GMDS: variants seen among roughly 807,000 people sequenced by gnomAD.
GMDS encodes the protein GDP-mannose 4,6-dehydratase.
Under a neutral mutation model 49.9 loss-of-function variants are expected in GMDS, and 20 were observed. The observed-to-expected ratio is 0.40, with a 90% CI of 0.28 to 0.58. The LOEUF (loss-of-function observed/expected upper bound fraction) is 0.58. Ranked by LOEUF, GMDS falls within the 20% of genes least tolerant of loss-of-function variation. The probability of loss-of-function intolerance (pLI) is 0.42; values close to 1 mark genes in which losing one functional copy is unlikely to be tolerated. For synonymous variants in GMDS, 177 were observed against 178.6 expected (o/e 0.99, Z 0.07); for missense variants, 362 against 481.4 (o/e 0.75, Z 2.32).
intron 9 of GMDS, among the ~76,000 whole-genome samples, chr6:1,695,434 C>T (rs960741544): frequency 6.2e-4 from 94 of 152,168 alleles, no homozygotes; most frequent in African/African-American, 2.1e-3. Context: ...CCTGGCCTTG[C>T]AATGCACTAT....
At chr6:1,811,980 G>A (rs1390104496) in intron 7 of GMDS, among the ~76,000 whole-genome samples, 1 of 152,116 alleles carries the variant, frequency 6.6e-6, no homozygotes, top group Admixed American at 6.5e-5. Flanking sequence ...GTACACTGCT[G>A]GAAATATACA....
At chr6:1,977,747 A>G (rs1466196032) in intron 4 of GMDS, among the ~76,000 whole-genome samples, 1 of 152,166 alleles carries the variant, frequency 6.6e-6, no homozygotes, top group Admixed American at 6.5e-5. Flanking sequence ...AGATCTTTGC[A>G]ACCCACGGAT....
chr6:2,229,408 CA>C (rs1210456971), intron 1 of GMDS, among the ~76,000 whole-genome samples: 167 of 89,236 alleles, frequency 1.9e-3, no homozygotes, highest in Middle Eastern at 6.0e-3. Flanking sequence ...CCTGTTTCTA[CA>C]AAAAAAAAAA....
At chr6:1,788,039 G>A (rs1170350833) in intron 7 of GMDS, among the ~76,000 whole-genome samples, 2 of 152,150 alleles carry the variant, frequency 1.3e-5, no homozygotes, top group African/African-American at 4.8e-5. Context: ...GCTCACCCTT[G>A]CTCTCAGTCG....
intron 1 of GMDS, among the ~76,000 whole-genome samples, chr6:2,217,690 A>C (rs564520355): frequency 2.6e-4 from 39 of 152,276 alleles, no homozygotes; most frequent in Admixed American, 4.6e-4. Flanking sequence ...ATAAGCACTC[A>C]ATATGTTTCA....
chr6:1,684,401 ATG>A (rs1464093106), intron 9 of GMDS, among the ~76,000 whole-genome samples: 1 of 152,224 alleles, frequency 6.6e-6, no homozygotes, highest in Non-Finnish European at 1.5e-5. Context: ...AGGAATGCAA[ATG>A]TTCACAGCAG....
chr6:1,820,331 T>A (rs756947771), intron 7 of GMDS, among the ~76,000 whole-genome samples: 9 of 152,182 alleles, frequency 5.9e-5, no homozygotes, highest in Non-Finnish European at 1.3e-4. Context: ...CAAAGTCCAA[T>A]GAGAATTTTC....
chr6:2,240,212 C>T (rs570981797), intron 1 of GMDS, among the ~76,000 whole-genome samples: 1 of 152,308 alleles, frequency 6.6e-6, no homozygotes, highest in Admixed American at 6.5e-5. Flanking sequence ...GAACTTTCTG[C>T]TTCTAGATAA....
intron 7 of GMDS, among the ~76,000 whole-genome samples, chr6:1,863,983 G>A (rs1758323511): frequency 6.6e-6 from 1 of 151,978 alleles, no homozygotes; most frequent in Non-Finnish European, 1.5e-5. Context: ...AAAAAGTGTG[G>A]CCATTTTCAA....
intron 9 of GMDS, among the ~76,000 whole-genome samples, chr6:1,644,571 A>G (rs2113194607): frequency 1.3e-5 from 2 of 152,334 alleles, no homozygotes; most frequent in Middle Eastern, 6.8e-3. Flanking sequence ...GCTCTAAGTC[A>G]GCCAACATTT....
At chr6:2,096,755 AG>A (rs1348448191) in intron 4 of GMDS, among the ~76,000 whole-genome samples, 1 of 152,178 alleles carries the variant, frequency 6.6e-6, no homozygotes, top group Admixed American at 6.5e-5. Flanking sequence ...CCAAAAAGGG[AG>A]GTTCTCCATT....
chr6:2,082,798 T>C (rs1456483631), intron 4 of GMDS, among the ~76,000 whole-genome samples: 1 of 152,234 alleles, frequency 6.6e-6, no homozygotes, highest in Non-Finnish European at 1.5e-5. Context: ...ACATATTTCT[T>C]ACTGTGGGTT....
chr6:1,864,636 C>T (rs1413894857), intron 7 of GMDS, among the ~76,000 whole-genome samples: 1 of 152,136 alleles, frequency 6.6e-6, no homozygotes, highest in Non-Finnish European at 1.5e-5. Context: ...GTGATGAACT[C>T]AGGATAAAAT....
At chr6:1,945,360 A>C (rs1221524798) in intron 6 of GMDS, among the ~76,000 whole-genome samples, 3 of 152,146 alleles carry the variant, frequency 2.0e-5, no homozygotes, top group Non-Finnish European at 4.4e-5. Flanking sequence ...GCAGAGACTG[A>C]GCCTGTGTGG....
intron 1 of GMDS, among the ~76,000 whole-genome samples, chr6:2,194,610 C>G (rs1040521151): frequency 7.2e-5 from 11 of 152,202 alleles, no homozygotes; most frequent in African/African-American, 2.6e-4. Context: ...TATCAAGATA[C>G]CAATATAAAT....
At chr6:1,984,368 C>T (rs1307314926) in intron 4 of GMDS, among the ~76,000 whole-genome samples, 1 of 152,144 alleles carries the variant, frequency 6.6e-6, no homozygotes, top group Admixed American at 6.5e-5. Context: ...GCACATGTAC[C>T]TCTGAACTTA....
intron 1 of GMDS, among the ~76,000 whole-genome samples, chr6:2,229,126 C>G (rs1780958479): frequency 6.6e-6 from 1 of 152,182 alleles, no homozygotes; most frequent in African/African-American, 2.4e-5. Flanking sequence ...CAATCACTGT[C>G]CAGAGGTAGG....
chr6:1,921,198 T>C (rs2113903451), intron 7 of GMDS, among the ~76,000 whole-genome samples: 1 of 152,346 alleles, frequency 6.6e-6, no homozygotes, highest in Middle Eastern at 3.4e-3. Context: ...TCTCCATACA[T>C]ACCCTGGCCA....
intron 1 of GMDS, among the ~76,000 whole-genome samples, chr6:2,201,030 A>G (rs1333736017): frequency 2.1e-5 from 3 of 142,732 alleles, no homozygotes; most frequent in Non-Finnish European, 3.1e-5. Flanking sequence ...AGAGACGTGA[A>G]GGATGAAGAC....
Sources: gnomAD v4.1 joint callset for allele counts (sites outside exome capture counted in the v4.1 genomes callset) on GRCh38, gnomAD v4.1.1 for gene constraint, MANE v1.5 for transcripts, NCBI Gene and HGNC (gene_info 2026-07-23, HGNC 2026-07-21) for gene names.